ATP2C2: variants seen among roughly 807,000 people sequenced by gnomAD.
ATP2C2 encodes ATPase secretory pathway Ca2+ transporting 2, also known as calcium-transporting ATPase type 2C member 2.
A neutral mutation model predicts 110.8 loss-of-function variants in ATP2C2; 171 were observed. That is an observed-to-expected ratio of 1.54 (90% CI 1.36 to 1.75). The LOEUF is 1.75. Ranked by LOEUF, ATP2C2 falls within the 40% of genes most tolerant of loss-of-function variation. The probability of loss-of-function intolerance (pLI) is 0.00; values close to 1 mark genes in which losing one functional copy is unlikely to be tolerated. For missense variants in ATP2C2, 1,963 were observed against 1,235.0 expected, an observed-to-expected ratio of 1.59 and a Z score of -8.84; for synonymous variants, 804 against 508.4, an observed-to-expected ratio of 1.58 and a Z score of -7.82.
At chr16:84,411,451 T>C (rs1050510347) in intron 6 of ATP2C2, among the ~76,000 whole-genome samples, 1 of 152,210 alleles carries the variant, frequency 6.6e-6, no homozygotes, top group Non-Finnish European at 1.5e-5. Context: ...TCTTTTTTTG[T>C]TGTTTTTTAA....
At chr16:84,417,207 G>A (rs1251903137) in intron 7 of ATP2C2, among the ~76,000 whole-genome samples, 1 of 152,182 alleles carries the variant, frequency 6.6e-6, no homozygotes, top group Non-Finnish European at 1.5e-5. Flanking sequence ...TGCCAAAAGT[G>A]CTCAGAACGG....
At chr16:84,421,393 T>C (rs1163213275) in intron 7 of ATP2C2, among the ~76,000 whole-genome samples, 1 of 152,184 alleles carries the variant, frequency 6.6e-6, no homozygotes, top group Non-Finnish European at 1.5e-5. Context: ...GCACATATTT[T>C]TAAAAGATGA....
chr16:84,446,357 A>G lies in ATP2C2; in HGVS notation c.1430A>G (p.Tyr477Cys), dbSNP rs183559276. Residue 477 changes from tyrosine (Y) to cysteine (C), a missense_variant, in exon 16 of 27, where the codon TAT becomes TGT. Coordinates refer to ENST00000262429, the MANE Select transcript of ATP2C2 (RefSeq NM_014861.4). ...KMDLSDIKNS[Y>C]IRKKEIPFSS... ...GACTTAAGTGATATTAAAAATTCAT[A>G]TATAAGAAAAAAAGAGATTCCATTC... is the stretch of plus-strand genomic sequence containing the variant. 4 of 1,597,474 alleles carry G rather than the reference A, an allele frequency of 2.5e-6. No individual in the cohort carries two copies. The African/African-American group carries it at 4.1e-5, about 16-fold the overall frequency.
At chr16:84,440,636 A>G (rs1158599237) in intron 13 of ATP2C2, among the ~76,000 whole-genome samples, 3 of 152,212 alleles carry the variant, frequency 2.0e-5, no homozygotes, top group African/African-American at 4.8e-5. Flanking sequence ...AGAGTATCCC[A>G]CTGAGTCAAC....
intron 11 of ATP2C2, among the ~76,000 whole-genome samples, chr16:84,431,916 C>G (rs1908316206): frequency 6.6e-6 from 1 of 152,090 alleles, no homozygotes; most frequent in East Asian, 1.9e-4. Context: ...GAAGGGGGCA[C>G]TGGAGCAGGA....
intron 7 of ATP2C2, among the ~76,000 whole-genome samples, chr16:84,418,388 A>C (rs956330354): frequency 2.6e-5 from 4 of 151,866 alleles, no homozygotes; most frequent in Non-Finnish European, 5.9e-5. Flanking sequence ...CCTCCTGCCC[A>C]CCTGCTGAAC....
Position 84,390,388 on chromosome 16 carries a change from G to A in ATP2C2, c.100-8111G>A, listed in dbSNP as rs1174258329. Reference sequence around the variant, plus strand: ...CTCGGGAGCCTCTGGTAGGTTAAACGTCAGTCCTGAGCTGCGCTTGTTGGG... The same window carrying A: ...CTCGGGAGCCTCTGGTAGGTTAAACATCAGTCCTGAGCTGCGCTTGTTGGG... On this transcript the variant is annotated intron_variant, in intron 1 of 26. Transcript: ENST00000262429. Among the ~76,000 whole-genome samples the A allele has an allele frequency of 5.3e-5, 8 of 152,344 alleles. No homozygotes were observed. The East Asian group carries it at 1.2e-3, about 22-fold the overall frequency.
At chr16:84,440,555 G>A (rs958156199) in intron 13 of ATP2C2, among the ~76,000 whole-genome samples, 12 of 152,304 alleles carry the variant, frequency 7.9e-5, no homozygotes, top group Admixed American at 1.3e-4. Flanking sequence ...TTTACCCAGC[G>A]CTGTTCTTGG....
chr16:84,397,284 C>G (rs1002856640), intron 1 of ATP2C2, among the ~76,000 whole-genome samples: 2 of 151,628 alleles, frequency 1.3e-5, no homozygotes, highest in Admixed American at 1.3e-4. Context: ...TTCCCCTCCC[C>G]TTTTCTTTGG....
chr16:84,441,100 G>GA, intron 14 of ATP2C2, 142 bp downstream of exon 14: 1 of 727,514 alleles, frequency 1.4e-6, no homozygotes, highest in Non-Finnish European at 2.3e-6. Context: ...GCACAGCACT[G>GA]AAAAAATGGC....
At position 84,448,589 on chromosome 16, in the gene ATP2C2, C is replaced by G; in HGVS notation, c.1560C>G (p.Cys520Trp). Residue 520 changes from cysteine (C) to tryptophan (W), a missense_variant, in exon 17 of 27, where the codon TGC becomes TGG. Transcript: ENST00000262429. ...CCTTGGAAGAGGTGATCCGCTACTG[C>G]ACCATGTACAACAACGGGGGCATCC... ...KGALEEVIRY[C>W]TMYNNGGIPL... 6.2e-7 allele frequency: 1 copy of G among 1,614,070 alleles called. No homozygotes were observed. Among genetic ancestry groups the G allele is most frequent in the South Asian group, 1.1e-5 (1 of 91,062 alleles).
At chr16:84,451,189 G>A (rs1361757414) in intron 17 of ATP2C2, among the ~76,000 whole-genome samples, 1 of 152,094 alleles carries the variant, frequency 6.6e-6, no homozygotes, top group East Asian at 1.9e-4. Flanking sequence ...CCAAGCCTAA[G>A]GGGAAACCCC....
chr16:84,458,608 T>C (rs1401147146), intron 21 of ATP2C2, among the ~76,000 whole-genome samples: 1 of 152,224 alleles, frequency 6.6e-6, no homozygotes, highest in African/African-American at 2.4e-5. Context: ...TAATTGTTTT[T>C]CTACATTAGT....
At chr16:84,429,583 G>T (rs8059665) in intron 11 of ATP2C2, among the ~76,000 whole-genome samples, 20,786 of 152,100 alleles carry the variant, frequency 0.14, 1,936 homozygotes, top group East Asian at 0.34. Flanking sequence ...GGGAGGTTGT[G>T]AACAAGACAG....
intron 1 of ATP2C2, among the ~76,000 whole-genome samples, chr16:84,373,364 G>A (rs946757882): frequency 2.0e-5 from 3 of 152,140 alleles, no homozygotes; most frequent in Admixed American, 2.0e-4. Context: ...GCTGGGTGTG[G>A]TGGTGGGTGC....
intron 11 of ATP2C2, 131 bp downstream of exon 11, chr16:84,425,932 C>G: frequency 9.1e-7 from 1 of 1,097,574 alleles, no homozygotes; most frequent in African/African-American, 1.6e-5. Context: ...GTCACCCAAA[C>G]TCCAGCCTCC....
At chr16:84,460,459 G>A (rs1203025141) in intron 23 of ATP2C2, 195 bp from the exon 24 acceptor site, 1 of 729,972 alleles carries the variant, frequency 1.4e-6, no homozygotes, top group South Asian at 1.6e-5. Context: ...GAGGGGCACA[G>A]CTGCCCATGG....
Position 84,439,298 on chromosome 16 carries a change from A to T in ATP2C2, c.1111+8A>T, listed in dbSNP as rs1486068462. 2 of 1,612,730 alleles carry T rather than the reference A, an allele frequency of 1.2e-6. No individual in the cohort carries two copies. The highest frequency in any genetic ancestry group is 2.2e-5 in the East Asian group (1 of 44,880). On this transcript the variant is annotated splice_region_variant and intron_variant, in intron 12 of 26. Transcript: ENST00000262429. ...CCATCGTGGAGACTTTAGGTGAGGG[A>T]CTCCAGCTGGTGGAATCCTTACACG...
chr16:84,462,750 T>G (rs416054), intron 26 of ATP2C2: 33,734 of 152,498 alleles, frequency 0.22, 4,117 homozygotes, highest in South Asian at 0.43. Flanking sequence ...TTTTCCCCAG[T>G]GTGCTGAGAG....
Sources: gnomAD v4.1 joint callset for allele counts (sites outside exome capture counted in the v4.1 genomes callset) on GRCh38, gnomAD v4.1.1 for gene constraint, MANE v1.5 for transcripts, NCBI Gene and HGNC (gene_info 2026-07-23, HGNC 2026-07-21) for gene names.